KIF17: variants seen among roughly 807,000 people sequenced by gnomAD.
The protein encoded by KIF17 is kinesin-like protein KIF17.
A neutral mutation model predicts 96.8 loss-of-function variants in KIF17; 80 were observed. The observed-to-expected ratio is 0.83, with a 90% CI of 0.69 to 1.00. The LOEUF is 1.00. KIF17 is among the 50% of genes least tolerant of loss of function. The pLI is 0.00. For synonymous variants in KIF17, 567 were observed against 587.5 expected (o/e 0.97, Z 0.51); for missense variants, 1,280 against 1,372.9 (o/e 0.93, Z 1.07).
chr1:20,662,605 G>A (rs1446897049), downstream of KIF17, among the ~76,000 whole-genome samples: 1 of 152,040 alleles, frequency 6.6e-6, no homozygotes, highest in Non-Finnish European at 1.5e-5. Context: ...ACATCCGCCC[G>A]CCTCTAATTC....
At chr1:20,681,145 G>T (rs1461688847) in intron 11 of KIF17, among the ~76,000 whole-genome samples, 1 of 148,646 alleles carries the variant, frequency 6.7e-6, no homozygotes, top group Admixed American at 6.7e-5. Flanking sequence ...AAAAATCCAG[G>T]AAAATAAAAA....
intron 3 of KIF17, among the ~76,000 whole-genome samples, chr1:20,712,846 AG>A (rs2054492110): frequency 7.4e-5 from 1 of 13,532 alleles, no homozygotes; most frequent in African/African-American, 1.9e-4. Context: ...TTATAGATAT[AG>A]ATAATATTAT....
rs538903097 is a variant in KIF17 at position 20,705,401 on chromosome 1, G to T, written c.671-502C>A. On this transcript the variant is annotated intron_variant, in intron 4 of 14. Coordinates refer to ENST00000400463, the MANE Select transcript of KIF17 (RefSeq NM_001122819.3). ...CATTAGCAGAGCCACCTACCTCCCA[G>T]ATTCTCAATTCCCCACATCAACAAA... 4.6e-5 allele frequency among the ~76,000 whole-genome samples: 7 copies of T among 152,244 alleles called. No individual in the cohort carries two copies. The East Asian group carries it at 1.4e-3, about 29-fold the overall frequency.
At chr1:20,712,789 T>TA (rs1214068766) in intron 3 of KIF17, among the ~76,000 whole-genome samples, 1 of 76,356 alleles carries the variant, frequency 1.3e-5, no homozygotes, top group African/African-American at 4.9e-5. Context: ...ATAATATCTA[T>TA]ATATAAATAG....
chr1:20,713,633 G>T, intron 2 of KIF17, 78 bp from the exon 3 acceptor site: 1 of 1,061,388 alleles, frequency 9.4e-7, no homozygotes, highest in Middle Eastern at 2.1e-4. Flanking sequence ...CTGGGGCCTG[G>T]GCCCTCTGCC....
chr1:20,677,546 G>C (rs1302333562), intron 11 of KIF17, among the ~76,000 whole-genome samples: 1 of 152,116 alleles, frequency 6.6e-6, no homozygotes, highest in Non-Finnish European at 1.5e-5. Flanking sequence ...ACAATGGAGA[G>C]CTATGTAGTT....
At position 20,690,316 on chromosome 1, in the gene KIF17, G is replaced by A. The variant is rs2054015446; in HGVS notation, c.1253C>T (p.Ala418Val). Residue 418 changes from alanine (A) to valine (V), a missense_variant, in exon 7 of 15, where the codon GCC (alanine) becomes GTC (valine). Coordinates refer to ENST00000400463, the MANE Select transcript of KIF17 (RefSeq NM_001122819.3). ...LIREEYEERL[A>V]RLKADYKAEQ... ...GGCCTTATAGTCGGCTTTCAGCCGG[G>A]CCAGGCGCTCTTCATACTCCTGGGG... 6 of 1,085,918 alleles carry A rather than the reference G, an allele frequency of 5.5e-6. No individual in the cohort carries two copies. Among genetic ancestry groups the A allele is most frequent in the South Asian group, 2.4e-5 (2 of 81,774 alleles). The allele number at this position is 1,085,918 out of a possible 1,614,324, so 67.3% of individuals were successfully genotyped here.
intron 7 of KIF17, 144 bp downstream of exon 7, chr1:20,690,041 TGTG>T: frequency 1.2e-6 from 1 of 825,440 alleles, no homozygotes; most frequent in South Asian, 1.6e-5. Flanking sequence ...CGAGCATAAT[TGTG>T]GTACCTACCT....
At chr1:20,692,456 T>A (rs1012093839) in intron 6 of KIF17, among the ~76,000 whole-genome samples, 1 of 152,026 alleles carries the variant, frequency 6.6e-6, no homozygotes, top group African/African-American at 2.4e-5. Context: ...TTCTCCTGAT[T>A]CTCCTGCCTC....
At position 20,684,838 on chromosome 1, in the gene KIF17, G is replaced by A. The variant is rs763493826; in HGVS notation, c.2202C>T (p.Pro734=). 97 of 1,591,568 alleles carry A rather than the reference G, an allele frequency of 6.1e-5. 1 individual carries two copies. The highest frequency in any genetic ancestry group is 1.4e-4 in the South Asian group (12 of 87,684). ...EVAVLTDDPL[P]VVDQQQVLAR... ...CCAGCACCTGCTGCTGGTCCACAAC[G>A]GGCAGCGGGTCATCAGTCAGCACTG... The change falls in exon 10 of 15, where the codon CCC becomes CCT. Residue 734 remains proline, a synonymous_variant. Coordinates refer to ENST00000400463, the MANE Select transcript of KIF17 (RefSeq NM_001122819.3).
chr1:20,668,996 A>G (rs2053584082), intron 13 of KIF17, among the ~76,000 whole-genome samples: 1 of 152,112 alleles, frequency 6.6e-6, no homozygotes, highest in Non-Finnish European at 1.5e-5. Context: ...GCCCAGACAC[A>G]AGGACACCAA....
In KIF17 at chr1:20,717,494, G is replaced by T. The variant is rs1309574265; in HGVS notation, c.213C>A (p.Ile71=). 1 of 1,611,402 alleles carries T rather than the reference G, an allele frequency of 6.2e-7. No homozygotes were observed. The highest frequency in any genetic ancestry group is 8.5e-7 in the Non-Finnish European group (1 of 1,179,618). ...DHVTEQIYNE[I]AYPLVEGVTE... is the part of the protein sequence containing the mutation. ...CCCTCACCTCCACCAGCGGATAGGC[G>T]ATCTCGTTGTAGATCTGCTCGGTGA... Residue 71 remains isoleucine, a synonymous_variant, in exon 1 of 15, where the codon ATC becomes ATA. Coordinates refer to ENST00000400463, the MANE Select transcript of KIF17 (RefSeq NM_001122819.3).
In KIF17 at chr1:20,698,408, C is replaced by T. The variant is rs522496; in HGVS notation, c.1204G>A (p.Val402Met). 1,009,397 of 1,612,652 alleles carry T rather than the reference C, an allele frequency of 0.63. 317,327 individuals are homozygous for T. The highest frequency in any genetic ancestry group is 0.66 in the Admixed American group (39,653 of 59,988). ...LLPQPVIQHD[V>M]EAEKQLIREE... ...CGGATCAGCTGCTTCTCGGCCTCCA[C>T]GTCATGCTGGATCACAGGTTGGGGC... The change falls in exon 6 of 15, where the codon GTG becomes ATG. Residue 402 changes from valine to methionine, a missense_variant. By Grantham distance (21) the Val-to-Met change is conservative. Coordinates refer to ENST00000400463, the MANE Select transcript of KIF17 (RefSeq NM_001122819.3).
downstream of KIF17, among the ~76,000 whole-genome samples, chr1:20,663,207 C>G (rs902106000): frequency 6.6e-6 from 1 of 152,146 alleles, no homozygotes. Flanking sequence ...GCCTGGGTGA[C>G]AGAGCGAGAC....
At chr1:20,713,314 TAA>T (rs373620869) in intron 3 of KIF17, 138 bp downstream of exon 3, 5,624 of 505,332 alleles carry the variant, frequency 0.011, no homozygotes, top group East Asian at 0.014. Context: ...TTTTTTTAAT[TAA>T]AAAAAAAAAA....
rs377589677 is a variant in KIF17, at chr1:20,686,055, C to A, written c.2010G>T (p.Pro670=). ...RPEAEAADDF[P]PRPEVDLASE... ...CCGGGGAGGTACTCACAGGCCTGGG[C>A]GGGAAGTCATCAGCCGCCTCGGCTT... The change falls in exon 9 of 15, where the codon CCG becomes CCT. Residue 670 remains proline (P), a synonymous_variant. Coordinates refer to ENST00000400463, the MANE Select transcript of KIF17 (RefSeq NM_001122819.3). The A allele has an allele frequency of 1.9e-6, 3 of 1,556,514 alleles. No homozygotes were observed. The highest frequency in any genetic ancestry group is 8.7e-7 in the Non-Finnish European group (1 of 1,149,650).
intron 4 of KIF17, among the ~76,000 whole-genome samples, chr1:20,708,677 A>C (rs562080812): frequency 7.9e-5 from 12 of 152,232 alleles, no homozygotes; most frequent in Admixed American, 2.6e-4. Flanking sequence ...GAACAAGCAA[A>C]TCACTTTACC....
At position 20,700,440 on chromosome 1, in the gene KIF17, C is replaced by T. The variant is rs538761442; in HGVS notation, c.1124-1952G>A. 4.2e-4 allele frequency among the ~76,000 whole-genome samples: 64 copies of T among 152,246 alleles called. No homozygotes were observed. Among genetic ancestry groups the T allele is most frequent in the African/African-American group, 1.5e-3 (62 of 41,544 alleles). ...CCAACTGGATGTAGATTTGAGAGAA[C>T]GTGAGAAGCCAGGGGCGACCCCAAG... On this transcript the variant is annotated intron_variant, in intron 5 of 14. Transcript: ENST00000400463. The surrounding 1 kb of genome is among the most constrained non-coding windows in gnomAD (Gnocchi z 4.6).
chr1:20,666,595 G>A (rs1368583019), intron 13 of KIF17, among the ~76,000 whole-genome samples: 1 of 152,186 alleles, frequency 6.6e-6, no homozygotes, highest in Non-Finnish European at 1.5e-5. Context: ...GATGGGAAGT[G>A]CCTTATTCTG....
Sources: allele counts gnomAD v4.1 joint callset (sites outside exome capture counted in the v4.1 genomes callset), GRCh38; gene constraint gnomAD v4.1.1; non-coding constraint Gnocchi (gnomAD v3.1); transcripts MANE v1.5; gene names NCBI Gene and HGNC (gene_info 2026-07-23, HGNC 2026-07-21).